CDC42SE2: variants seen among roughly 807,000 people sequenced by gnomAD.
CDC42SE2 encodes the protein CDC42 small effector 2, also known as CDC42 small effector protein 2.
In CDC42SE2, 3 loss-of-function variants were observed where a neutral mutation model predicts 11.5. That is an observed-to-expected ratio of 0.26 (90% confidence interval 0.12 to 0.67). CDC42SE2 has a LOEUF of 0.67. CDC42SE2 is among the 30% of genes least tolerant of loss of function. The pLI, the probability that CDC42SE2 is intolerant of heterozygous loss-of-function variation, is 0.80. For synonymous variants in CDC42SE2, 33 were observed against 34.8 expected, an observed-to-expected ratio of 0.95 and a Z score of 0.18; for missense variants, 82 against 106.8, an observed-to-expected ratio of 0.77 and a Z score of 1.02.
intron 1 of CDC42SE2, among the ~76,000 whole-genome samples, chr5:131,278,666 A>C (rs1225599440): frequency 7.1e-6 from 1 of 140,806 alleles, no homozygotes; most frequent in African/African-American, 2.6e-5. Context: ...TGTTGTTTTT[A>C]TAGACAAAAA....
At position 131,392,372 on chromosome 5, in the gene CDC42SE2, G is replaced by C. The variant is rs1276538176; in HGVS notation, c.*1281G>C. On this transcript the variant is annotated 3_prime_UTR_variant, in exon 5 of 5. Coordinates refer to ENST00000505065, the MANE Select transcript of CDC42SE2 (RefSeq NM_001375635.1). ...TTATGAAGTTGTTGCTTCGGTAAGA[G>C]CCCATGGGATGCCAGAAATTAACAT... 6.5e-6 allele frequency: 1 copy of C among 152,682 alleles called. No homozygotes were observed. Among genetic ancestry groups the C allele is most frequent in the Non-Finnish European group, 1.5e-5 (1 of 68,020 alleles). 9.5% of individuals were successfully genotyped at this position (152,682 alleles called of 1,614,324 possible). A position where few individuals can be genotyped will look rare whatever the true frequency, so the allele number is the denominator to read the frequency against.
chr5:131,332,327 A>G (rs922684888), intron 2 of CDC42SE2, among the ~76,000 whole-genome samples: 1 of 152,184 alleles, frequency 6.6e-6, no homozygotes. Flanking sequence ...ATAGTATTCC[A>G]CGGTGTATAT....
At chr5:131,294,971 CA>C (rs1757538782) in intron 1 of CDC42SE2, among the ~76,000 whole-genome samples, 1 of 151,966 alleles carries the variant, frequency 6.6e-6, no homozygotes, top group Non-Finnish European at 1.5e-5. Context: ...ACTAGAAATA[CA>C]AAAAATTAGC....
chr5:131,324,060 A>G (rs766595708), intron 2 of CDC42SE2, among the ~76,000 whole-genome samples: 1 of 152,212 alleles, frequency 6.6e-6, no homozygotes, highest in Non-Finnish European at 1.5e-5. Context: ...TGAGTAAATT[A>G]CTTGCAGTTC....
chr5:131,328,976 C>T (rs544475956), intron 2 of CDC42SE2, among the ~76,000 whole-genome samples: 1 of 152,334 alleles, frequency 6.6e-6, no homozygotes, highest in Admixed American at 6.5e-5. Flanking sequence ...TAGATTATAA[C>T]TCACTACCAG....
the CDC42SE2 span, among the ~76,000 whole-genome samples, chr5:131,220,884 CT>C: frequency 0.027 from 3,452 of 128,972 alleles, 38 homozygotes; most frequent in Middle Eastern, 0.085. Flanking sequence ...CACCAGAAAC[CT>C]TTTTTTTTTT....
chr5:131,296,925 G>A (rs1757581190), intron 1 of CDC42SE2, among the ~76,000 whole-genome samples: 2 of 151,714 alleles, frequency 1.3e-5, no homozygotes, highest in South Asian at 2.1e-4. Context: ...AGATTTCCTT[G>A]TGGGGAGAAA....
chr5:131,258,301 A>T (rs1381393654), intron 2 of CDC42SE2, among the ~76,000 whole-genome samples: 3 of 151,768 alleles, frequency 2.0e-5, no homozygotes, highest in Non-Finnish European at 2.9e-5. Flanking sequence ...CTTTTAGCTG[A>T]CTCATATTTT....
chr5:131,294,768 G>C (rs1434144798), intron 1 of CDC42SE2, among the ~76,000 whole-genome samples: 2 of 152,120 alleles, frequency 1.3e-5, no homozygotes, highest in African/African-American at 4.8e-5. Context: ...GAGGCGGGCA[G>C]ATCACTTGAG....
chr5:131,297,154 ATTC>A, intron 1 of CDC42SE2, among the ~76,000 whole-genome samples: 1 of 67,456 alleles, frequency 1.5e-5, no homozygotes, highest in African/African-American at 7.0e-5. Flanking sequence ...AATACTTTAT[ATTC>A]TTTTTTTTTT....
At chr5:131,340,967 A>G (rs1018778242) in intron 2 of CDC42SE2, among the ~76,000 whole-genome samples, 3 of 152,136 alleles carry the variant, frequency 2.0e-5, no homozygotes, top group Non-Finnish European at 2.9e-5. Context: ...ACGAACCACC[A>G]TGCGTGGCCT....
intron 1 of CDC42SE2, among the ~76,000 whole-genome samples, chr5:131,266,065 G>T (rs1417724081): frequency 1.3e-5 from 2 of 152,130 alleles, no homozygotes; most frequent in African/African-American, 4.8e-5. Context: ...GTGCTAAAAA[G>T]GGAAGGATTA....
chr5:131,355,554 C>T (rs965082814), intron 2 of CDC42SE2, among the ~76,000 whole-genome samples: 7 of 152,058 alleles, frequency 4.6e-5, no homozygotes, highest in African/African-American at 1.7e-4. Flanking sequence ...AGTGATAGAG[C>T]TTGTCACTTG....
the CDC42SE2 span, among the ~76,000 whole-genome samples, chr5:131,226,999 A>C: frequency 8.5e-5 from 13 of 152,224 alleles, no homozygotes; most frequent in Non-Finnish European, 1.5e-4. Flanking sequence ...CTAGCTACAT[A>C]TAGTTAGGCA....
chr5:131,361,809 CA>C (rs1324956728), intron 3 of CDC42SE2, among the ~76,000 whole-genome samples: 1 of 152,158 alleles, frequency 6.6e-6, no homozygotes, highest in East Asian at 1.9e-4. Context: ...CTGCCCCGGC[CA>C]AACTCCGCCT....
chr5:131,281,830 C>T (rs925389064), intron 1 of CDC42SE2, among the ~76,000 whole-genome samples: 2 of 152,140 alleles, frequency 1.3e-5, no homozygotes, highest in African/African-American at 4.8e-5. Context: ...AAGTTCTTAC[C>T]GTTGGTGATT....
At chr5:131,298,533 T>C (rs1204830159) in intron 1 of CDC42SE2, among the ~76,000 whole-genome samples, 1 of 151,988 alleles carries the variant, frequency 6.6e-6, no homozygotes, top group Non-Finnish European at 1.5e-5. Flanking sequence ...GGGTCCCTGA[T>C]ACTTAACCTC....
chr5:131,302,669 T>G (rs1472835140), intron 1 of CDC42SE2, among the ~76,000 whole-genome samples: 2 of 152,192 alleles, frequency 1.3e-5, no homozygotes, highest in African/African-American at 4.8e-5. Context: ...CCATATTCTT[T>G]GTCTGGACAT....
intron 1 of CDC42SE2, among the ~76,000 whole-genome samples, chr5:131,276,166 G>A (rs1757096284): frequency 6.6e-6 from 1 of 150,806 alleles, no homozygotes; most frequent in South Asian, 2.1e-4. Context: ...AAAAATCTTG[G>A]CCAGGTGCGA....
Sources: gnomAD v4.1 joint callset for allele counts (sites outside exome capture counted in the v4.1 genomes callset) on GRCh38, gnomAD v4.1.1 for gene constraint, MANE v1.5 for transcripts, NCBI Gene and HGNC (gene_info 2026-07-23, HGNC 2026-07-21) for gene names.